CCDC178: variants seen among roughly 807,000 people sequenced by gnomAD.
The protein encoded by CCDC178 is coiled-coil domain containing 178, also known as coiled-coil domain-containing protein 178.
Under a neutral mutation model 117.4 loss-of-function variants are expected in CCDC178, and 126 were observed. That is an observed-to-expected ratio of 1.07 (90% CI 0.93 to 1.24). The LOEUF is 1.24. Ranked by LOEUF, CCDC178 falls within the 50% of genes most tolerant of loss-of-function variation. The pLI is 0.00. For missense variants in CCDC178, 1,030 were observed against 986.9 expected (o/e 1.04, Z -0.59); for synonymous variants, 283 against 313.4 (o/e 0.90, Z 1.02).
intron 6 of CCDC178, among the ~76,000 whole-genome samples, chr18:33,366,800 G>A (rs1193109573): frequency 1.3e-5 from 2 of 152,014 alleles, no homozygotes; most frequent in Non-Finnish European, 2.9e-5. Context: ...GGGTGGTCCT[G>A]TTGTTCTCCC....
At chr18:33,104,569 C>G (rs1038360989) in intron 20 of CCDC178, among the ~76,000 whole-genome samples, 2 of 151,672 alleles carry the variant, frequency 1.3e-5, no homozygotes, top group Admixed American at 1.3e-4. Flanking sequence ...TTCGTCCCAT[C>G]ATTTCCTCAG....
intron 21 of CCDC178, among the ~76,000 whole-genome samples, chr18:33,027,467 A>G (rs2056251664): frequency 6.6e-6 from 1 of 151,690 alleles, no homozygotes; most frequent in Non-Finnish European, 1.5e-5. Flanking sequence ...GACTTGATTA[A>G]AAGAAAAACT....
chr18:33,103,020 C>G (rs2057653400), intron 20 of CCDC178, among the ~76,000 whole-genome samples: 1 of 151,718 alleles, frequency 6.6e-6, no homozygotes, highest in Admixed American at 6.6e-5. Context: ...ATTTGCTAAC[C>G]CCTACTATAG....
At chr18:33,336,949 T>C (rs988330538) in intron 9 of CCDC178, among the ~76,000 whole-genome samples, 1 of 152,074 alleles carries the variant, frequency 6.6e-6, no homozygotes, top group Non-Finnish European at 1.5e-5. Context: ...GTGGTAGCAT[T>C]TTGATAGGAA....
intron 14 of CCDC178, among the ~76,000 whole-genome samples, chr18:33,248,280 T>A (rs1478900802): frequency 6.6e-6 from 1 of 151,884 alleles, no homozygotes; most frequent in Non-Finnish European, 1.5e-5. Flanking sequence ...TTTTTTATTT[T>A]TATTTTTTAT....
intron 21 of CCDC178, among the ~76,000 whole-genome samples, chr18:32,983,711 C>T (rs1488711775): frequency 6.6e-6 from 1 of 152,014 alleles, no homozygotes; most frequent in Non-Finnish European, 1.5e-5. Context: ...TTTCAATCTG[C>T]TTGTTGTAAG....
chr18:33,215,633 A>C lies in CCDC178; in HGVS notation c.1995T>G (p.Tyr665Ter), dbSNP rs769766212. 3 of 1,533,776 alleles carry C rather than the reference A, an allele frequency of 2.0e-6. No individual in the cohort carries two copies. The highest frequency in any genetic ancestry group is 2.6e-6 in the Non-Finnish European group (3 of 1,147,130). The stretch of plus-strand genomic sequence containing the variant: ...CCTCATTCAATTCATTTATTTTTGC[A>C]TAAAAAATCATTGTCTTACTTTTAG... ...EATKSKTMIF[Y>*]AKINELNEEL... Residue 665 changes from tyrosine to a stop codon, truncating the protein, a stop_gained, in exon 19 of 23, where the codon TAT becomes TAG. Transcript: ENST00000383096. LOFTEE classifies it high-confidence loss of function.
intron 2 of CCDC178, among the ~76,000 whole-genome samples, chr18:33,421,482 T>C (rs1265871821): frequency 6.6e-6 from 1 of 152,218 alleles, no homozygotes; most frequent in Non-Finnish European, 1.5e-5. Context: ...TGTGGTTTTG[T>C]TGGTAGCTCA....
intron 2 of CCDC178, chr18:33,437,530 G>T (rs1367203444): frequency 6.6e-6 from 1 of 152,142 alleles, no homozygotes; most frequent in Non-Finnish European, 1.5e-5. Flanking sequence ...CATATGAAAG[G>T]TCTTCTAATT....
chr18:33,429,875 G>T (rs11660887), intron 2 of CCDC178, among the ~76,000 whole-genome samples: 1 of 152,110 alleles, frequency 6.6e-6, no homozygotes, highest in Non-Finnish European at 1.5e-5. Flanking sequence ...TACTGTTAAA[G>T]GTAGATGATA....
intron 20 of CCDC178, among the ~76,000 whole-genome samples, chr18:33,197,616 T>C (rs1021259006): frequency 6.9e-6 from 1 of 144,296 alleles, no homozygotes; most frequent in Non-Finnish European, 1.5e-5. Flanking sequence ...CCACACTGGA[T>C]TGCTTTATCA....
intron 2 of CCDC178, chr18:33,437,683 T>G (rs1180912673): frequency 1.3e-5 from 2 of 152,178 alleles, no homozygotes; most frequent in Non-Finnish European, 2.9e-5. Context: ...TTTCAATCAG[T>G]TAGATGTAGA....
chr18:33,374,690 A>G (rs2144772051), intron 5 of CCDC178, among the ~76,000 whole-genome samples: 1 of 152,186 alleles, frequency 6.6e-6, no homozygotes, highest in East Asian at 1.9e-4. Context: ...TGTTCATAAT[A>G]GCTTTCTTGA....
At chr18:33,063,011 C>T (rs1298308439) in intron 21 of CCDC178, among the ~76,000 whole-genome samples, 1 of 152,164 alleles carries the variant, frequency 6.6e-6, no homozygotes, top group East Asian at 1.9e-4. Flanking sequence ...TAGCCATCTG[C>T]CCTGGGCCAC....
At chr18:33,147,643 C>T (rs185077907) in intron 20 of CCDC178, among the ~76,000 whole-genome samples, 54 of 152,024 alleles carry the variant, frequency 3.6e-4, no homozygotes, top group African/African-American at 1.2e-3. Flanking sequence ...CCATTTAACC[C>T]TGAGTGGACA....
At chr18:33,080,632 C>T (rs1349284458) in intron 21 of CCDC178, among the ~76,000 whole-genome samples, 2 of 152,124 alleles carry the variant, frequency 1.3e-5, no homozygotes, top group Non-Finnish European at 2.9e-5. Context: ...TTGTTTAAAC[C>T]ACTCAGTCTG....
chr18:33,331,119 C>T (rs913053030), intron 10 of CCDC178, among the ~76,000 whole-genome samples: 1 of 142,708 alleles, frequency 7.0e-6, no homozygotes, highest in Non-Finnish European at 1.5e-5. Flanking sequence ...AACAACTCCA[C>T]TTGCCCTGCT....
At chr18:33,209,119 C>T (rs563241591) in intron 20 of CCDC178, among the ~76,000 whole-genome samples, 1 of 152,152 alleles carries the variant, frequency 6.6e-6, no homozygotes, top group East Asian at 1.9e-4. Flanking sequence ...GCTAGAGCTA[C>T]AGTCCTCTGA....
chr18:33,028,462 G>C (rs770064573), intron 21 of CCDC178, among the ~76,000 whole-genome samples: 6 of 151,554 alleles, frequency 4.0e-5, no homozygotes, highest in Non-Finnish European at 7.4e-5. Context: ...ATTCCAACCA[G>C]GTTTGAATAA....
Sources: allele counts gnomAD v4.1 joint callset (sites outside exome capture counted in the v4.1 genomes callset), GRCh38; gene constraint gnomAD v4.1.1; transcripts MANE v1.5; gene names NCBI Gene and HGNC (gene_info 2026-07-23, HGNC 2026-07-21).